ZMYM6: variants seen among roughly 807,000 people sequenced by gnomAD.
ZMYM6 encodes zinc finger MYM-type protein 6.
Under a neutral mutation model 134.0 loss-of-function variants are expected in ZMYM6, and 90 were observed. The ratio of observed to expected loss-of-function variants is 0.67; its 90% CI spans 0.57 to 0.80. The LOEUF (loss-of-function observed/expected upper bound fraction) is 0.80, where lower values mean the gene tolerates loss of function less well. Among genes scored for constraint, ZMYM6 ranks in the 30% least tolerant of loss-of-function variants. ZMYM6 has a pLI of 0.00. For missense variants in ZMYM6, 1,362 were observed against 1,533.9 expected (o/e 0.89, Z 1.87); for synonymous variants, 481 against 524.1 (o/e 0.92, Z 1.12).
chr1:35,012,402 T>C (rs1557576946), intron 7 of ZMYM6, 29 bp downstream of exon 7: 1 of 1,438,716 alleles, frequency 7.0e-7, no homozygotes. Context: ...AGTTATTAAA[T>C]CTATAAATTT....
Position 35,019,418 on chromosome 1 carries a change from G to A in ZMYM6, c.363C>T (p.Ile121=). 6.2e-7 allele frequency: 1 copy of A among 1,614,146 alleles called. No homozygotes were observed. Among genetic ancestry groups the A allele is most frequent in the South Asian group, 1.1e-5 (1 of 91,086 alleles). Residue 121 remains isoleucine (I), a synonymous_variant, in exon 4 of 16, where the codon ATC becomes ATT. Coordinates refer to ENST00000357182, the MANE Select transcript of ZMYM6 (RefSeq NM_007167.4). ...GGCAGGCAGGTGAAGAATGTCTGGT[G>A]ATGCATCGTGTGGAGCAGAAGAGCT... ...STQLFCSTRC[I]TRHSSPACLP...
At position 35,009,300 on chromosome 1, in the gene ZMYM6, C is replaced by T. The variant is rs183866796; in HGVS notation, c.1493-376G>A. 1.3e-4 allele frequency among the ~76,000 whole-genome samples: 20 copies of T among 152,238 alleles called. No individual in the cohort carries two copies. The East Asian group carries it at 3.5e-3, about 27-fold the overall frequency. ...TGTATTTTTAGTAGAGATGGCATTTCGCCATGTTGGCCAGGCTGGTCTCAA... is the reference window on the plus strand; with the variant it reads ...TGTATTTTTAGTAGAGATGGCATTTTGCCATGTTGGCCAGGCTGGTCTCAA... On this transcript the variant is annotated intron_variant, in intron 10 of 15. Coordinates refer to ENST00000357182, the MANE Select transcript of ZMYM6 (RefSeq NM_007167.4).
At chr1:34,998,826 A>C (rs1006905218) in intron 14 of ZMYM6, among the ~76,000 whole-genome samples, 6 of 152,222 alleles carry the variant, frequency 3.9e-5, no homozygotes, top group African/African-American at 1.4e-4. Context: ...GGTGGTATTT[A>C]AAACCACAGG....
intron 6 of ZMYM6, chr1:35,013,571 C>A (rs1360131376): frequency 2.0e-6 from 2 of 985,230 alleles, no homozygotes; most frequent in Non-Finnish European, 2.4e-6. Context: ...AAAAGAGATT[C>A]TTTTCAGTGA....
chr1:34,987,764 A>T lies in ZMYM6; in HGVS notation c.3318T>A (p.Asp1106Glu). The T allele has an allele frequency of 6.4e-7, 1 of 1,551,548 alleles. No homozygotes were observed. The highest frequency in any genetic ancestry group is 8.7e-7 in the Non-Finnish European group (1 of 1,146,966). ...KHSDLAKYFH[D>E]EEWVGKLAYL... Reference sequence around the variant, plus strand: ...AGGCCAGCTTTCCAACCCATTCCTCATCATGAAAATACTTGGCCAAATCTG... The same window carrying T: ...AGGCCAGCTTTCCAACCCATTCCTCTTCATGAAAATACTTGGCCAAATCTG... The change falls in exon 16 of 16, where the codon GAT (aspartate) becomes GAA (glutamate). Residue 1106 changes from aspartate (D) to glutamate (E), a missense_variant. Asp to Glu is a conservative substitution (Grantham distance 45, BLOSUM62 2). Transcript: ENST00000357182.
At position 35,019,455 on chromosome 1, in the gene ZMYM6, G is replaced by A; in HGVS notation, c.326C>T (p.Thr109Ile). 1 of 1,614,126 alleles carries A rather than the reference G, an allele frequency of 6.2e-7. No individual in the cohort carries two copies. Among genetic ancestry groups the A allele is most frequent in the Non-Finnish European group, 8.5e-7 (1 of 1,180,034 alleles). ...LYKGQTAYHK[T>I]GSTQLFCSTR... The stretch of plus-strand genomic sequence containing the variant: ...GGAGCAGAAGAGCTGAGTAGATCCT[G>A]TCTTATGATATGCAGTTTGGCCCTT... The change falls in exon 4 of 16, where the codon ACA becomes ATA. Residue 109 changes from threonine to isoleucine, a missense_variant. Thr to Ile is a moderately conservative substitution (Grantham distance 89). Transcript: ENST00000357182.
intron 11 of ZMYM6, among the ~76,000 whole-genome samples, chr1:35,008,395 A>G (rs749352353): frequency 6.6e-6 from 1 of 152,204 alleles, no homozygotes; most frequent in African/African-American, 2.4e-5. Flanking sequence ...CCTTTGACCT[A>G]TGAAGTGAGA....
At chr1:34,993,068 T>C (rs1359840492) in intron 14 of ZMYM6, among the ~76,000 whole-genome samples, 1 of 150,126 alleles carries the variant, frequency 6.7e-6, no homozygotes, top group Non-Finnish European at 1.5e-5. Flanking sequence ...CTAAAGTCAC[T>C]AGAGAACTTT....
chr1:35,019,260 G>A (rs11263938), intron 4 of ZMYM6, 93 bp downstream of exon 4: 110,838 of 1,550,836 alleles, frequency 0.071, 13,955 homozygotes, highest in African/African-American at 0.48. Context: ...GATACATGCT[G>A]AAGAGATTTA....
Position 34,988,932 on chromosome 1 carries a change from A to G in ZMYM6, c.2150T>C (p.Leu717Ser), listed in dbSNP as rs1242854616. Reference sequence around the variant, plus strand: ...ATCATTTTTTTCATTAGGCATAGGTAAATCTGAATGAAATATTTGAATCAC... The same window carrying G: ...ATCATTTTTTTCATTAGGCATAGGTGAATCTGAATGAAATATTTGAATCAC... The part of the protein sequence containing the change: ...HTQHKECQTD[L>S]PMPNEKNDAE... Residue 717 changes from leucine (L) to serine (S), a missense_variant, in exon 16 of 16, where the codon TTA becomes TCA. By Grantham distance (145) the Leu-to-Ser change is moderately radical. Transcript: ENST00000357182. 11 of 1,605,546 alleles carry G rather than the reference A, an allele frequency of 6.9e-6. No individual in the cohort carries two copies. Among genetic ancestry groups the G allele is most frequent in the Non-Finnish European group, 9.3e-6 (11 of 1,178,098 alleles).
At chr1:35,028,495 T>C (rs1395462055) in intron 2 of ZMYM6, among the ~76,000 whole-genome samples, 3 of 151,574 alleles carry the variant, frequency 2.0e-5, no homozygotes, top group African/African-American at 7.3e-5. Context: ...ATCTCTCCCA[T>C]TGATTTTATT....
In ZMYM6 at chr1:34,987,341, T is replaced by C. The variant is rs1408784097; in HGVS notation, c.3741A>G (p.Leu1247=). The C allele has an allele frequency of 2.5e-5, 41 of 1,613,588 alleles. No homozygotes were observed. The highest frequency in any genetic ancestry group is 3.1e-5 in the Non-Finnish European group (37 of 1,179,898). ...ACTGAGTTACAGACACTGATTTAAA[T>C]AGTGCTTGTAATCCTAAATCTGAAG... ...ELSSDLGLQA[L]FKSVSVTQFW... Residue 1247 remains leucine, a synonymous_variant, in exon 16 of 16, where the codon CTA becomes CTG. Coordinates refer to ENST00000357182, the MANE Select transcript of ZMYM6 (RefSeq NM_007167.4).
intron 14 of ZMYM6, among the ~76,000 whole-genome samples, chr1:35,000,724 A>C (rs1297630852): frequency 6.6e-6 from 1 of 152,210 alleles, no homozygotes; most frequent in African/African-American, 2.4e-5. Flanking sequence ...ATTTAATATT[A>C]AATATTAAAG....
intron 4 of ZMYM6, among the ~76,000 whole-genome samples, chr1:35,015,743 A>AAAAAAAAAAAAAATATAT: frequency 2.8e-5 from 3 of 106,468 alleles, no homozygotes; most frequent in African/African-American, 2.0e-4. Flanking sequence ...AAAAAAAAAA[A>AAAAAAAAAAAAAATATAT]ATATATATAT....
chr1:35,009,050 G>T (rs947395437), intron 10 of ZMYM6, 126 bp from the exon 11 acceptor site: 2 of 971,368 alleles, frequency 2.1e-6, no homozygotes, highest in Non-Finnish European at 3.0e-6. Flanking sequence ...TTTGCCTCTA[G>T]ATTACAGGAC....
chr1:34,995,252 G>A lies in ZMYM6; in HGVS notation c.1993-2865C>T, dbSNP rs529978969. Among the ~76,000 whole-genome samples the A allele has an allele frequency of 2.0e-5, 3 of 148,066 alleles. No individual in the cohort carries two copies. In the South Asian group the frequency reaches 6.3e-4, roughly 31 times the overall value. ...ATATACATATGTATATATGTATATA[G>A]GGTTTGGTATGATTCATGGTTTCAG... is the stretch of plus-strand genomic sequence containing the variant. On this transcript the variant is annotated intron_variant, in intron 14 of 15. Coordinates refer to ENST00000357182, the MANE Select transcript of ZMYM6 (RefSeq NM_007167.4).
chr1:35,005,586 A>G (rs1007437775), intron 12 of ZMYM6, among the ~76,000 whole-genome samples: 32 of 149,216 alleles, frequency 2.1e-4, no homozygotes, highest in African/African-American at 7.8e-4. Flanking sequence ...ACTTAAGCCC[A>G]GGAGTTCAAG....
intron 14 of ZMYM6, among the ~76,000 whole-genome samples, chr1:34,996,051 G>C (rs890721015): frequency 6.6e-6 from 1 of 152,116 alleles, no homozygotes; most frequent in African/African-American, 2.4e-5. Context: ...ACAATGCTAT[G>C]ATGAGTATAT....
intron 2 of ZMYM6, among the ~76,000 whole-genome samples, chr1:35,023,402 T>C (rs1228233466): frequency 6.6e-6 from 1 of 152,100 alleles, no homozygotes; most frequent in Non-Finnish European, 1.5e-5. Context: ...CCACTGCACC[T>C]GGCCAAAATG....
Sources: gnomAD v4.1 joint callset for allele counts (sites outside exome capture counted in the v4.1 genomes callset) on GRCh38, gnomAD v4.1.1 for gene constraint, MANE v1.5 for transcripts, NCBI Gene and HGNC (gene_info 2026-07-23, HGNC 2026-07-21) for gene names.